The following TMEM223 variants were observed in gnomAD, a reference collection of about 807,000 sequenced individuals.
TMEM223 encodes transmembrane protein 223.
In TMEM223, 14 loss-of-function variants were observed where a neutral mutation model predicts 14.1. The ratio of observed to expected loss-of-function variants is 0.99; its 90% CI spans 0.66 to 1.55. TMEM223 has a LOEUF of 1.55. Ranked by LOEUF, TMEM223 falls within the 40% of genes most tolerant of loss-of-function variation. The pLI is 0.00. For missense variants in TMEM223, 346 were observed against 269.9 expected, an observed-to-expected ratio of 1.28 and a Z score of -1.97; for synonymous variants, 145 against 120.5, an observed-to-expected ratio of 1.20 and a Z score of -1.33.
chr11:62,775,680 G>A (rs2084180712), intron 1 of TMEM223: 1 of 1,407,700 alleles, frequency 7.1e-7, no homozygotes, highest in Non-Finnish European at 9.5e-7. Flanking sequence ...CAGAGCACGA[G>A]CAGCAAGGCT....
intron 1 of TMEM223, chr11:62,778,408 G>A: frequency 3.2e-6 from 5 of 1,560,562 alleles, no homozygotes; most frequent in Non-Finnish European, 3.5e-6. Context: ...GTGCCTATGT[G>A]CCCCCGAGTC....
At chr11:62,787,156 CT>C, downstream of TMEM223, 2 of 1,577,856 alleles carry the variant, frequency 1.3e-6, no homozygotes, top group Non-Finnish European at 1.7e-6. Context: ...CCGCGGGCGC[CT>C]TTTCCAGACT....
downstream of TMEM223, chr11:62,789,467 C>T (rs1328715112): frequency 1.9e-6 from 3 of 1,612,872 alleles, no homozygotes; most frequent in African/African-American, 1.3e-5. Context: ...GGCTGACTAC[C>T]TTCCCTCTGC....
downstream of TMEM223, chr11:62,771,517 G>A (rs928821551): frequency 6.3e-6 from 1 of 158,418 alleles, no homozygotes; most frequent in African/African-American, 2.4e-5. Flanking sequence ...CTGGTCCAAG[G>A]ACTCCCCATT....
At chr11:62,783,804 A>G (rs1248262771), downstream of TMEM223, among the ~76,000 whole-genome samples, 1 of 151,740 alleles carries the variant, frequency 6.6e-6, no homozygotes, top group East Asian at 2.0e-4. Context: ...TAGTGCTGGG[A>G]TTATAGGCAT....
downstream of TMEM223, chr11:62,787,580 T>A: frequency 6.8e-7 from 1 of 1,466,020 alleles, no homozygotes; most frequent in Admixed American, 2.5e-5. Context: ...GGTCTGGACA[T>A]GGCGAGGCCA....
At chr11:62,786,074 C>T, downstream of TMEM223, 1 of 657,408 alleles carries the variant, frequency 1.5e-6, no homozygotes, top group Non-Finnish European at 2.6e-6. Context: ...TCTTTATTCC[C>T]AATGCCTAGC....
chr11:62,791,770 C>G lies in TMEM223; in HGVS notation c.225G>C (p.Gln75His). 6.4e-7 allele frequency: 1 copy of G among 1,566,720 alleles called. No individual in the cohort carries two copies. The highest frequency in any genetic ancestry group is 8.6e-7 in the Non-Finnish European group (1 of 1,156,278). ...GATTTGGGACCTCCGCATCCAGAGGCTGCACCGGAACCGGGGGCCGGGACA... is the reference window on the plus strand; with the variant it reads ...GATTTGGGACCTCCGCATCCAGAGGGTGCACCGGAACCGGGGGCCGGGACA... ...AAVSRPPVPV[Q>H]PLDAEVPNRG... Residue 75 changes from glutamine to histidine, a missense_variant, in exon 1 of 2, where the codon CAG becomes CAC. Coordinates refer to ENST00000307366, the MANE Select transcript of TMEM223 (RefSeq NM_001080501.3).
downstream of TMEM223, chr11:62,787,274 A>T (rs749866765): frequency 6.1e-5 from 95 of 1,551,358 alleles, no homozygotes; most frequent in Non-Finnish European, 7.9e-5. Flanking sequence ...CTCTCGGACT[A>T]CTCGCTGTAC....
At position 62,791,971 on chromosome 11, in the gene TMEM223, C is replaced by T; in HGVS notation, c.24G>A (p.Trp8Ter). The T allele has an allele frequency of 1.9e-6, 3 of 1,558,906 alleles. No individual in the cohort carries two copies. The highest frequency in any genetic ancestry group is 2.6e-6 in the Non-Finnish European group (3 of 1,149,782). The change falls in exon 1 of 2, where the codon TGG becomes TGA. Residue 8 changes from tryptophan (W) to a stop codon, truncating the protein, a stop_gained. Transcript: ENST00000307366. LOFTEE classifies it high-confidence loss of function. ...GCAGCACGGCTAGCAGCCCCGTGGG[C>T]CATCGCCTCCAAGGCGCCGCCATGG... MAAPWRRWPTGLLAVLRP... is the reference protein window; with the variant it reads MAAPWRR
intron 1 of TMEM223, 147 bp downstream of exon 1, chr11:62,791,532 C>T (rs2084360800): frequency 2.7e-6 from 3 of 1,091,682 alleles, no homozygotes; most frequent in Non-Finnish European, 3.8e-6. Context: ...TTTGAGCCGC[C>T]GCGCCCGGCC....
At chr11:62,773,350 A>G (rs1424940477) in intron 2 of TMEM223, among the ~76,000 whole-genome samples, 1 of 148,262 alleles carries the variant, frequency 6.7e-6, no homozygotes. Context: ...GTTTCACCAT[A>G]TTGTCCAGGC....
At chr11:62,771,654 T>G (rs1363793116), downstream of TMEM223, 3 of 175,092 alleles carry the variant, frequency 1.7e-5, no homozygotes, top group Non-Finnish European at 3.8e-5. Context: ...CTCCCCGATC[T>G]GGGCTGGGCT....
At chr11:62,786,693 G>A (rs1049674858), downstream of TMEM223, 3 of 1,612,250 alleles carry the variant, frequency 1.9e-6, no homozygotes, top group East Asian at 4.5e-5. Flanking sequence ...TCCCGCTGCC[G>A]CCAGGGGGCG....
downstream of TMEM223, chr11:62,782,666 C>T: frequency 6.2e-7 from 1 of 1,608,606 alleles, no homozygotes; most frequent in African/African-American, 1.3e-5. Context: ...CCTCATTCCC[C>T]TCCCTAACTG....
At chr11:62,772,832 C>T (rs1361706762) in intron 2 of TMEM223, among the ~76,000 whole-genome samples, 2 of 148,818 alleles carry the variant, frequency 1.3e-5, no homozygotes, top group East Asian at 2.0e-4. Flanking sequence ...AATAGTTCTT[C>T]TTTCTTTCTT....
rs374056937 is a variant in TMEM223, at chr11:62,778,808, G to GGA, written c.315-4145_315-4144dup. The GGA allele has an allele frequency of 9.6e-5, 137 of 1,420,796 alleles. No homozygotes were observed. In the African/African-American group the frequency reaches 1.8e-3, roughly 19 times the overall value. 88.0% of individuals were successfully genotyped at this position (1,420,796 alleles called of 1,614,324 possible). On this transcript the variant is annotated intron_variant, in intron 1 of 2. Coordinates refer to the TMEM223 transcript ENST00000528367. ...GATGGTGGTTGAGGGGGAGGAGGCTGGAGAGGCCAGGAGAGGGCCAGCTCT... is the reference window on the plus strand; with the variant it reads ...GATGGTGGTTGAGGGGGAGGAGGCTGGAGAGAGGCCAGGAGAGGGCCAGCTCT...
At position 62,790,961 on chromosome 11, in the gene TMEM223, C is replaced by CT. The variant is rs1398303875; in HGVS notation, c.317-47dup. On this transcript the variant is annotated intron_variant, in intron 1 of 1. Coordinates refer to ENST00000307366, the MANE Select transcript of TMEM223 (RefSeq NM_001080501.3). ...GGGGTGAGGGGTTTTCACTGGGCAT[C>CT]TAAGTACCGACCTTTCCAGTGCCCT... 3 of 1,478,898 alleles carry CT rather than the reference C, an allele frequency of 2.0e-6. No individual in the cohort carries two copies. The South Asian group carries it at 4.2e-5, about 21-fold the overall frequency. The allele number at this position is 1,478,898 out of a possible 1,614,324, so 91.6% of individuals were successfully genotyped here.
At chr11:62,791,609 C>T (rs2084361744) in intron 1 of TMEM223, 70 bp downstream of exon 1, 5 of 1,437,782 alleles carry the variant, frequency 3.5e-6, no homozygotes, top group East Asian at 2.5e-5. Flanking sequence ...CTGACTCTCC[C>T]TGCCTGTATA....
Sources: gnomAD v4.1 joint callset for allele counts (sites outside exome capture counted in the v4.1 genomes callset) on GRCh38, gnomAD v4.1.1 for gene constraint, MANE v1.5 for transcripts, NCBI Gene and HGNC (gene_info 2026-07-23, HGNC 2026-07-21) for gene names.